The following RGS7 variants were observed in gnomAD, a reference collection of about 807,000 sequenced individuals.
The protein encoded by RGS7 is regulator of G protein signaling 7.
Under a neutral mutation model 81.1 loss-of-function variants are expected in RGS7, and 27 were observed. That is an observed-to-expected ratio of 0.33 (90% CI 0.25 to 0.46). The LOEUF (loss-of-function observed/expected upper bound fraction) is 0.46, where lower values mean the gene tolerates loss of function less well. Ranked by LOEUF, RGS7 falls within the 20% of genes least tolerant of loss-of-function variation. RGS7 has a pLI of 1.00. For synonymous variants in RGS7, 208 were observed against 207.7 expected (o/e 1.00, Z -0.01); for missense variants, 396 against 607.4 (o/e 0.65, Z 3.66).
At chr1:241,069,364 G>A (rs2062291156) in intron 3 of RGS7, among the ~76,000 whole-genome samples, 1 of 152,206 alleles carries the variant, frequency 6.6e-6, no homozygotes, top group Non-Finnish European at 1.5e-5. Flanking sequence ...CCACCTAGTG[G>A]TGGGTACCTT....
intron 3 of RGS7, among the ~76,000 whole-genome samples, chr1:241,082,845 A>G (rs1225754931): frequency 6.6e-6 from 1 of 152,256 alleles, no homozygotes; most frequent in Non-Finnish European, 1.5e-5. Context: ...AATATGTACA[A>G]CTATGATATA....
intron 3 of RGS7, among the ~76,000 whole-genome samples, chr1:241,031,071 A>G (rs1055813408): frequency 6.6e-6 from 1 of 152,202 alleles, no homozygotes; most frequent in Non-Finnish European, 1.5e-5. Flanking sequence ...CATCACTCAA[A>G]TTAGGTACAT....
At chr1:240,939,261 CA>C (rs58892781) in intron 4 of RGS7, among the ~76,000 whole-genome samples, 25,242 of 151,510 alleles carry the variant, frequency 0.17, 3,525 homozygotes, top group African/African-American at 0.39. Context: ...ATTTCCAACA[CA>C]AAAAAAACAT....
chr1:241,239,114 G>T (rs2076142682), intron 2 of RGS7, among the ~76,000 whole-genome samples: 4 of 151,988 alleles, frequency 2.6e-5, no homozygotes. Context: ...GACTACAGGT[G>T]TGTGCCACCA....
At chr1:241,215,125 T>C (rs1238525509) in intron 2 of RGS7, among the ~76,000 whole-genome samples, 1 of 152,232 alleles carries the variant, frequency 6.6e-6, no homozygotes, top group Non-Finnish European at 1.5e-5. Context: ...TGTAAAATTT[T>C]AGAATCCATT....
At chr1:241,009,414 T>C (rs1195582957) in intron 3 of RGS7, among the ~76,000 whole-genome samples, 1 of 152,216 alleles carries the variant, frequency 6.6e-6, no homozygotes. Flanking sequence ...TAAACACTTT[T>C]AACCTGGATT....
intron 6 of RGS7, among the ~76,000 whole-genome samples, chr1:240,926,251 T>C (rs1280798403): frequency 6.6e-6 from 1 of 152,228 alleles, no homozygotes; most frequent in Non-Finnish European, 1.5e-5. Context: ...TCCTAGGTTT[T>C]CTTCTAGGGT....
At chr1:241,025,145 G>A (rs2059724009) in intron 3 of RGS7, among the ~76,000 whole-genome samples, 2 of 152,198 alleles carry the variant, frequency 1.3e-5, no homozygotes, top group South Asian at 2.1e-4. Flanking sequence ...TTTAGGTTAT[G>A]TAATATGCTC....
At chr1:240,781,209 G>A (rs1684007708) in intron 18 of RGS7, among the ~76,000 whole-genome samples, 1 of 152,174 alleles carries the variant, frequency 6.6e-6, no homozygotes, top group African/African-American at 2.4e-5. Context: ...CTTTTTCATA[G>A]CAGCCCAGAG....
chr1:241,129,836 C>T (rs1327720337), intron 2 of RGS7, among the ~76,000 whole-genome samples: 2 of 152,000 alleles, frequency 1.3e-5, no homozygotes, highest in South Asian at 2.1e-4. Context: ...CCCTAAAGCA[C>T]GTGGGAGCAT....
At chr1:240,946,571 C>T (rs1394207926) in intron 4 of RGS7, among the ~76,000 whole-genome samples, 1 of 152,106 alleles carries the variant, frequency 6.6e-6, no homozygotes, top group Non-Finnish European at 1.5e-5. Flanking sequence ...CATGCCACTG[C>T]ACTGGGTGAC....
intron 2 of RGS7, among the ~76,000 whole-genome samples, chr1:241,265,431 A>G (rs1467886004): frequency 1.1e-5 from 1 of 89,834 alleles, no homozygotes; most frequent in Non-Finnish European, 2.2e-5. Flanking sequence ...AGAGAGACCA[A>G]GAAGATACAG....
chr1:241,054,592 A>G (rs901308073), intron 3 of RGS7, among the ~76,000 whole-genome samples: 2 of 152,216 alleles, frequency 1.3e-5, no homozygotes, highest in African/African-American at 4.8e-5. Flanking sequence ...TGTAATAGGT[A>G]ATTCAAACGT....
intron 6 of RGS7, among the ~76,000 whole-genome samples, chr1:240,893,620 T>A (rs1668601897): frequency 6.6e-6 from 1 of 151,654 alleles, no homozygotes; most frequent in Non-Finnish European, 1.5e-5. Context: ...AAAACAAAAC[T>A]CCAAAACTTG....
intron 2 of RGS7, among the ~76,000 whole-genome samples, chr1:241,346,629 A>G (rs2082913513): frequency 6.6e-6 from 1 of 152,226 alleles, no homozygotes; most frequent in Non-Finnish European, 1.5e-5. Context: ...TTCCAGCCTC[A>G]CAGAGCTCGA....
intron 2 of RGS7, among the ~76,000 whole-genome samples, chr1:241,248,361 T>C (rs558063102): frequency 1.4e-5 from 2 of 147,944 alleles, no homozygotes; most frequent in African/African-American, 4.9e-5. Flanking sequence ...TACATATATA[T>C]ATATACGTAT....
intron 2 of RGS7, among the ~76,000 whole-genome samples, chr1:241,324,749 T>C (rs1260966853): frequency 1.3e-5 from 2 of 152,228 alleles, no homozygotes; most frequent in Non-Finnish European, 1.5e-5. Flanking sequence ...TCTGGCTTTT[T>C]TCCTTGCCCA....
Position 241,024,881 on chromosome 1 carries a change from CA to C in RGS7, c.176-41753del, listed in dbSNP as rs1400848617. Among the ~76,000 whole-genome samples, 23 of 152,086 alleles carry C rather than the reference CA, an allele frequency of 1.5e-4. 2 individuals carry two copies. The highest frequency in any genetic ancestry group is 1.5e-3 in the Admixed American group (23 of 15,268). ...CCCTTTATCAAGAACGAGAGTAAGT[CA>C]AAGAGATTGCTGATTGCAAATTAAA... On this transcript the variant is annotated intron_variant, in intron 3 of 18. Transcript: ENST00000440928.
intron 6 of RGS7, among the ~76,000 whole-genome samples, chr1:240,900,888 A>G (rs1669885192): frequency 2.0e-5 from 3 of 152,174 alleles, no homozygotes; most frequent in Admixed American, 1.3e-4. Context: ...CCCTGCCACC[A>G]GAGGTGGAGT....
Sources: allele counts gnomAD v4.1 joint callset (sites outside exome capture counted in the v4.1 genomes callset), GRCh38; gene constraint gnomAD v4.1.1; transcripts MANE v1.5; gene names NCBI Gene and HGNC (gene_info 2026-07-23, HGNC 2026-07-21).